The following OPCML variants were observed in gnomAD, a reference collection of about 807,000 sequenced individuals.
OPCML encodes the protein opioid binding protein/cell adhesion molecule like.
A neutral mutation model predicts 37.8 loss-of-function variants in OPCML; 13 were observed. The ratio of observed to expected loss-of-function variants is 0.34; its 90% CI spans 0.22 to 0.55. The LOEUF (loss-of-function observed/expected upper bound fraction) is 0.55, where lower values mean the gene tolerates loss of function less well. Among genes scored for constraint, OPCML ranks in the 20% least tolerant of loss-of-function variants. The probability of loss-of-function intolerance (pLI) is 0.91; values close to 1 mark genes in which losing one functional copy is unlikely to be tolerated. For missense variants in OPCML, 341 were observed against 435.6 expected (o/e 0.78, Z 1.93); for synonymous variants, 176 against 168.8 (o/e 1.04, Z -0.33).
chr11:133,327,183 T>A (rs1159832594), intron 1 of OPCML, among the ~76,000 whole-genome samples: 1 of 119,214 alleles, frequency 8.4e-6, no homozygotes, highest in East Asian at 2.6e-4. Context: ...GTGTGGGATG[T>A]GGGTGGGGTG....
At chr11:132,778,961 C>CTTTTTTTT (rs10657036) in intron 2 of OPCML, among the ~76,000 whole-genome samples, 10 of 87,916 alleles carry the variant, frequency 1.1e-4, no homozygotes, top group African/African-American at 1.3e-4. Flanking sequence ...TGGTATATTT[C>CTTTTTTTT]TTTTTTTTTT....
At chr11:132,791,875 C>A (rs770637073) in intron 2 of OPCML, among the ~76,000 whole-genome samples, 5 of 152,186 alleles carry the variant, frequency 3.3e-5, no homozygotes, top group Non-Finnish European at 7.3e-5. Flanking sequence ...CTGTTGGAGT[C>A]TGAGCTTCTG....
intron 2 of OPCML, among the ~76,000 whole-genome samples, chr11:132,759,656 T>C (rs983724522): frequency 6.6e-6 from 1 of 151,816 alleles, no homozygotes; most frequent in African/African-American, 2.4e-5. Context: ...ATCCCCTTTA[T>C]CATTTTTATT....
chr11:133,388,063 C>T (rs950905117), intron 1 of OPCML, among the ~76,000 whole-genome samples: 41 of 152,182 alleles, frequency 2.7e-4, no homozygotes, highest in African/African-American at 8.9e-4. Flanking sequence ...GGGTTTTATT[C>T]GGAGTCTTAA....
At chr11:132,630,654 G>A (rs976990663) in intron 3 of OPCML, among the ~76,000 whole-genome samples, 2 of 152,140 alleles carry the variant, frequency 1.3e-5, no homozygotes, top group Non-Finnish European at 2.9e-5. Context: ...CAGAGCAATC[G>A]TGATTCTCAT....
intron 2 of OPCML, among the ~76,000 whole-genome samples, chr11:132,684,099 C>T (rs1943065729): frequency 6.6e-6 from 1 of 152,094 alleles, no homozygotes; most frequent in South Asian, 2.1e-4. Context: ...ATGAGCAGTT[C>T]TAGGCTACAC....
intron 2 of OPCML, among the ~76,000 whole-genome samples, chr11:132,823,908 A>G (rs1337231210): frequency 1.3e-5 from 2 of 152,082 alleles, no homozygotes. Flanking sequence ...GTCTTCTGAC[A>G]TGCACTCTCT....
intron 1 of OPCML, among the ~76,000 whole-genome samples, chr11:133,037,082 C>A (rs991721746): frequency 6.6e-6 from 1 of 152,256 alleles, no homozygotes; most frequent in East Asian, 1.9e-4. Context: ...ACATACAAAC[C>A]AGGCTATCCA....
intron 1 of OPCML, among the ~76,000 whole-genome samples, chr11:132,989,315 C>T (rs1946733302): frequency 6.6e-6 from 1 of 151,950 alleles, no homozygotes; most frequent in Non-Finnish European, 1.5e-5. Flanking sequence ...GCAAATGAAC[C>T]ACAGCACTAC....
intron 1 of OPCML, among the ~76,000 whole-genome samples, chr11:133,453,414 A>G (rs560891746): frequency 4.6e-5 from 7 of 152,344 alleles, no homozygotes; most frequent in African/African-American, 1.7e-4. Context: ...AAGCATTTGT[A>G]ATTTATTGCT....
At chr11:132,669,824 A>G (rs1387809726) in intron 2 of OPCML, among the ~76,000 whole-genome samples, 2 of 152,146 alleles carry the variant, frequency 1.3e-5, no homozygotes. Flanking sequence ...TCTGGTCATC[A>G]GCAATGGTTT....
Position 133,274,726 on chromosome 11 carries a change from C to T in OPCML, c.61+257538G>A, listed in dbSNP as rs563607258. ...GGAGCACAGGGTCCAGTTGACCCTA[C>T]GGCCAGGCGGCCTCTATGTTACCAT... On this transcript the variant is annotated intron_variant, in intron 1 of 7. Coordinates refer to ENST00000524381, the MANE Select transcript of OPCML (RefSeq NM_001012393.5). Among the ~76,000 whole-genome samples the T allele has an allele frequency of 1.1e-4, 17 of 152,322 alleles. No individual in the cohort carries two copies. The South Asian group carries it at 2.9e-3, about 26-fold the overall frequency.
intron 1 of OPCML, among the ~76,000 whole-genome samples, chr11:133,350,662 G>T (rs920801086): frequency 6.6e-6 from 1 of 152,112 alleles, no homozygotes; most frequent in Non-Finnish European, 1.5e-5. Flanking sequence ...ATAGTGTGTG[G>T]CCAAGAGTAC....
At chr11:132,853,143 G>A (rs550773474) in intron 2 of OPCML, among the ~76,000 whole-genome samples, 1 of 152,170 alleles carries the variant, frequency 6.6e-6, no homozygotes, top group South Asian at 2.1e-4. Context: ...TTTTCAAGAA[G>A]CATCATTTCA....
chr11:133,417,317 C>G (rs1228436742), intron 1 of OPCML, among the ~76,000 whole-genome samples: 6 of 152,104 alleles, frequency 3.9e-5, no homozygotes, highest in African/African-American at 1.4e-4. Flanking sequence ...GGACATGATG[C>G]TTTACCAACA....
intron 3 of OPCML, among the ~76,000 whole-genome samples, chr11:132,609,695 T>C (rs1938523971): frequency 6.6e-6 from 1 of 152,192 alleles, no homozygotes; most frequent in African/African-American, 2.4e-5. Flanking sequence ...GCAAAGTTCA[T>C]TGTTCCTTCT....
chr11:133,449,726 T>A lies in OPCML; in HGVS notation c.61+82538A>T, dbSNP rs138893194. On this transcript the variant is annotated intron_variant, in intron 1 of 7. Transcript: ENST00000524381. ...GAACACTTGTCATTGGAAATGGGGT[T>A]CACTGTAAATCCTAGATGATTTTAT... Among the ~76,000 whole-genome samples, 12 of 151,748 alleles carry A rather than the reference T, an allele frequency of 7.9e-5. No homozygotes were observed. The East Asian group carries it at 2.3e-3, about 29-fold the overall frequency.
At position 133,458,601 on chromosome 11, in the gene OPCML, GTGTGTGTA is replaced by G. The variant is rs1946768201; in HGVS notation, c.61+73655_61+73662del. 1.3e-4 allele frequency among the ~76,000 whole-genome samples: 15 copies of G among 116,904 alleles called. 4 individuals are homozygous for G. Among genetic ancestry groups the G allele is most frequent in the Admixed American group, 6.0e-4 (8 of 13,240 alleles). The allele number at this position is 116,904 out of a possible 152,430, so 76.7% of individuals were successfully genotyped here. On this transcript the variant is annotated intron_variant, in intron 1 of 7. Transcript: ENST00000524381. ...TGTGTGTACACATATATACACGTGTGTGTGTGTATACACATATATACACGTGTGTGTGT... is the reference window on the plus strand; with the variant it reads ...TGTGTGTACACATATATACACGTGTGTACACATATATACACGTGTGTGTGT...
chr11:133,117,830 A>G, intron 1 of OPCML: 8 of 984,212 alleles, frequency 8.1e-6, no homozygotes, highest in Non-Finnish European at 9.7e-6. Flanking sequence ...GAATAATTAC[A>G]ATAATACCAA....
Sources: allele counts gnomAD v4.1 joint callset (sites outside exome capture counted in the v4.1 genomes callset), GRCh38; gene constraint gnomAD v4.1.1; transcripts MANE v1.5; gene names NCBI Gene and HGNC (gene_info 2026-07-23, HGNC 2026-07-21).